DNAH14: variants seen among roughly 807,000 people sequenced by gnomAD.
DNAH14 encodes the protein axonemal beta dynein heavy chain 14.
In DNAH14, 478 loss-of-function variants were observed where a neutral mutation model predicts 520.9. The observed-to-expected ratio is 0.92, with a 90% CI of 0.85 to 0.99. The LOEUF is 0.99. Among genes scored for constraint, DNAH14 ranks in the 50% least tolerant of loss-of-function variants. DNAH14 has a pLI of 0.00. For missense variants in DNAH14, 4,831 were observed against 5,234.5 expected (o/e 0.92, Z 2.38); for synonymous variants, 1,581 against 1,757.2 (o/e 0.90, Z 2.51).
rs560204082 is a variant in DNAH14, at chr1:225,055,831, C to T, written c.2424+4036C>T. Reference sequence around the variant, plus strand: ...ATAGTTTGCTGAGAATGATGGTTTCCAGCTTCATCCATGTCCCCACAAAGG... The same window carrying T: ...ATAGTTTGCTGAGAATGATGGTTTCTAGCTTCATCCATGTCCCCACAAAGG... On this transcript the variant is annotated intron_variant, in intron 17 of 85. Coordinates refer to ENST00000682510, the MANE Select transcript of DNAH14 (RefSeq NM_001367479.1). Among the ~76,000 whole-genome samples the T allele has an allele frequency of 1.5e-4, 23 of 152,170 alleles. No homozygotes were observed. The South Asian group carries it at 4.8e-3, about 32-fold the overall frequency.
At chr1:225,155,746 A>T (rs1256793955) in intron 34 of DNAH14, among the ~76,000 whole-genome samples, 1 of 152,136 alleles carries the variant, frequency 6.6e-6, no homozygotes, top group Non-Finnish European at 1.5e-5. Context: ...CTGCCACTGA[A>T]AGCAGCTCCC....
chr1:225,304,561 T>TA, intron 57 of DNAH14, among the ~76,000 whole-genome samples: 1 of 152,146 alleles, frequency 6.6e-6, no homozygotes, highest in Middle Eastern at 3.4e-3. Flanking sequence ...AGTCTCAAAA[T>TA]AAAAAATAAA....
rs1558428230 is a variant in DNAH14, at chr1:225,335,381, A to ATACACGTGTGTACGTGTGTGTG, written c.10080+1876_10080+1877insACACGTGTGTACGTGTGTGTGT. On this transcript the variant is annotated intron_variant, in intron 66 of 85. Coordinates refer to ENST00000682510, the MANE Select transcript of DNAH14 (RefSeq NM_001367479.1). Reference sequence around the variant, plus strand: ...TATACACGTGTACATGTGTGTGTATATGCACATATACACATGTGTACATGT... The same window carrying ATACACGTGTGTACGTGTGTGTG: ...TATACACGTGTACATGTGTGTGTATATACACGTGTGTACGTGTGTGTGTGCACATATACACATGTGTACATGT... 5.1e-4 allele frequency among the ~76,000 whole-genome samples: 34 copies of ATACACGTGTGTACGTGTGTGTG among 66,558 alleles called. 3 individuals carry two copies. Among genetic ancestry groups the ATACACGTGTGTACGTGTGTGTG allele is most frequent in the Non-Finnish European group, 8.2e-4 (27 of 33,082 alleles). 43.7% of individuals were successfully genotyped at this position (66,558 alleles called of 152,430 possible).
rs1309096062 is a variant in DNAH14 at position 224,955,067 on chromosome 1, C to T, written c.186C>T (p.Phe62=). ...TGGAATATAAAACAGTTAGAACATT[C>T]TCTGAATCTTTGAAGTCAGAGAAAA... The part of the protein sequence containing the change: ...ETLEYKTVRT[F]SESLKSEKTE... Residue 62 remains phenylalanine (F), a synonymous_variant, in exon 3 of 86, where the codon TTC becomes TTT. Coordinates refer to ENST00000682510, the MANE Select transcript of DNAH14 (RefSeq NM_001367479.1). 7 of 1,610,358 alleles carry T rather than the reference C, an allele frequency of 4.3e-6. No homozygotes were observed. Among genetic ancestry groups the T allele is most frequent in the Non-Finnish European group, 5.9e-6 (7 of 1,178,122 alleles).
At chr1:224,994,057 T>A (rs1299019438) in intron 8 of DNAH14, among the ~76,000 whole-genome samples, 2 of 152,074 alleles carry the variant, frequency 1.3e-5, no homozygotes, top group East Asian at 3.8e-4. Flanking sequence ...TTGATACTGT[T>A]TCAGTCCTCC....
rs1558937451 is a variant in DNAH14, at chr1:225,094,686, AC to A, written c.3574-2431del. On this transcript the variant is annotated intron_variant, in intron 21 of 85. Coordinates refer to ENST00000682510, the MANE Select transcript of DNAH14 (RefSeq NM_001367479.1). ...AAAAAAAAAAAAAAAAAACAACAAA[AC>A]AAACAAACAAAAAAACGCTATCAAC... Among the ~76,000 whole-genome samples, 52 of 108,406 alleles carry A rather than the reference AC, an allele frequency of 4.8e-4. 1 individual carries two copies. Among genetic ancestry groups the A allele is most frequent in the African/African-American group, 1.1e-3 (19 of 17,706 alleles). 71.1% of individuals were successfully genotyped at this position (108,406 alleles called of 152,430 possible). A position where few individuals can be genotyped will look rare whatever the true frequency, so the allele number is the denominator to read the frequency against.
chr1:225,379,815 G>A (rs112180489), intron 79 of DNAH14, among the ~76,000 whole-genome samples: 2 of 152,274 alleles, frequency 1.3e-5, no homozygotes, highest in African/African-American at 4.8e-5. Flanking sequence ...ATGAGCCACT[G>A]TGCCCAGCCA....
chr1:225,298,709 A>G (rs10915811), intron 55 of DNAH14, among the ~76,000 whole-genome samples: 34,083 of 152,148 alleles, frequency 0.22, 4,128 homozygotes, highest in East Asian at 0.34. Flanking sequence ...GGCTCACAGC[A>G]GGAGTGAGGG....
chr1:225,132,959 T>C (rs913121838), intron 27 of DNAH14, among the ~76,000 whole-genome samples: 2 of 152,246 alleles, frequency 1.3e-5, no homozygotes, highest in African/African-American at 4.8e-5. Flanking sequence ...TTGATTTGCA[T>C]TTCTCTAACA....
At chr1:225,052,903 A>G (rs2068681384) in intron 17 of DNAH14, among the ~76,000 whole-genome samples, 1 of 152,196 alleles carries the variant, frequency 6.6e-6, no homozygotes, top group Admixed American at 6.5e-5. Context: ...GGTTGGCTTC[A>G]CGAAGCCATC....
intron 17 of DNAH14, among the ~76,000 whole-genome samples, chr1:225,078,388 G>A (rs186403959): frequency 8.7e-4 from 132 of 152,178 alleles, no homozygotes; most frequent in South Asian, 2.3e-3. Context: ...ATTATGCACC[G>A]TTCACATTTC....
At chr1:225,233,969 G>A (rs755622914) in intron 42 of DNAH14, among the ~76,000 whole-genome samples, 2 of 152,112 alleles carry the variant, frequency 1.3e-5, no homozygotes, top group Non-Finnish European at 2.9e-5. Flanking sequence ...TTTGTATAAC[G>A]TGTAAGGAAG....
intron 71 of DNAH14, among the ~76,000 whole-genome samples, chr1:225,350,399 G>A (rs2095348480): frequency 1.3e-5 from 2 of 151,618 alleles, no homozygotes; most frequent in African/African-American, 4.8e-5. Flanking sequence ...CAAAAGGATT[G>A]AAATAATAAA....
intron 17 of DNAH14, among the ~76,000 whole-genome samples, chr1:225,077,937 C>T (rs1286168184): frequency 1.3e-5 from 2 of 152,056 alleles, no homozygotes; most frequent in African/African-American, 2.4e-5. Flanking sequence ...ATTAGACACA[C>T]ACATATGTGA....
chr1:224,952,820 A>G, intron 2 of DNAH14, 41 bp downstream of exon 2: 1 of 1,472,568 alleles, frequency 6.8e-7, no homozygotes, highest in Non-Finnish European at 9.2e-7. Context: ...TTTCTAAAGT[A>G]AGATTTCAGC....
At chr1:225,290,316 T>A (rs2093838708) in intron 55 of DNAH14, among the ~76,000 whole-genome samples, 1 of 151,968 alleles carries the variant, frequency 6.6e-6, no homozygotes, top group Admixed American at 6.6e-5. Flanking sequence ...AATAAAGGTA[T>A]TTTCTATGTC....
At chr1:225,006,928 C>T (rs1254074536) in intron 9 of DNAH14, among the ~76,000 whole-genome samples, 1 of 152,172 alleles carries the variant, frequency 6.6e-6, no homozygotes, top group Non-Finnish European at 1.5e-5. Context: ...CCCAGAGGCC[C>T]AGCTGTAAAA....
At chr1:225,186,447 C>T (rs757888794) in intron 37 of DNAH14, among the ~76,000 whole-genome samples, 12 of 151,858 alleles carry the variant, frequency 7.9e-5, no homozygotes, top group Admixed American at 2.6e-4. Flanking sequence ...AACACTTTTG[C>T]TTGAATTATT....
intron 41 of DNAH14, among the ~76,000 whole-genome samples, chr1:225,222,473 G>A (rs2090134560): frequency 6.6e-6 from 1 of 152,128 alleles, no homozygotes; most frequent in Admixed American, 6.5e-5. Context: ...TTATTTTGAA[G>A]AGTGAAAGCT....
Sources: gnomAD v4.1 joint callset for allele counts (sites outside exome capture counted in the v4.1 genomes callset) on GRCh38, gnomAD v4.1.1 for gene constraint, MANE v1.5 for transcripts, NCBI Gene and HGNC (gene_info 2026-07-23, HGNC 2026-07-21) for gene names.